The following RASGRP3 variants were observed in gnomAD, a reference collection of about 807,000 sequenced individuals.
The protein encoded by RASGRP3 is RAS guanyl releasing protein 3.
In RASGRP3, 54 loss-of-function variants were observed where a neutral mutation model predicts 82.7. The ratio of observed to expected loss-of-function variants is 0.65; its 90% CI spans 0.52 to 0.82. The LOEUF is 0.82. Among genes scored for constraint, RASGRP3 ranks in the 40% least tolerant of loss-of-function variants. The pLI is 0.00. For missense variants in RASGRP3, 861 were observed against 828.9 expected (o/e 1.04, Z -0.48); for synonymous variants, 309 against 300.5 (o/e 1.03, Z -0.29).
In RASGRP3 at chr2:33,523,975, G is replaced by C; in HGVS notation, c.613G>C (p.Val205Leu). 3 of 1,613,878 alleles carry C rather than the reference G, an allele frequency of 1.9e-6. No individual in the cohort carries two copies. The highest frequency in any genetic ancestry group is 2.5e-6 in the Non-Finnish European group (3 of 1,179,842). Residue 205 changes from valine to leucine, a missense_variant, in exon 8 of 18, where the codon GTC becomes CTC. Physicochemically the swap from Val to Leu is conservative, Grantham distance 32 (BLOSUM62 1). Transcript: ENST00000403687. ...TTTATTTAATGGAATCTCTAAGTGGGTCCAGTTGATGGTTCTTAGCAAACC... is the reference window on the plus strand; with the variant it reads ...TTTATTTAATGGAATCTCTAAGTGGCTCCAGTTGATGGTTCTTAGCAAACC... Reference protein sequence around the residue: ...IALFNGISKWVQLMVLSKPTP... With the variant: ...IALFNGISKWLQLMVLSKPTP...
At chr2:33,443,099 T>G (rs544051426) in intron 1 of RASGRP3, among the ~76,000 whole-genome samples, 1 of 152,338 alleles carries the variant, frequency 6.6e-6, no homozygotes, top group African/African-American at 2.4e-5. Flanking sequence ...TTCTTGCCTC[T>G]GAATAACTCC....
intron 2 of RASGRP3, among the ~76,000 whole-genome samples, chr2:33,448,426 C>T (rs1665613807): frequency 6.6e-6 from 1 of 151,834 alleles, no homozygotes; most frequent in Admixed American, 6.6e-5. Flanking sequence ...TGTCTATCAA[C>T]AGATGAAGAG....
chr2:33,439,155 A>G (rs1665085924), intron 1 of RASGRP3, among the ~76,000 whole-genome samples: 1 of 152,228 alleles, frequency 6.6e-6, no homozygotes. Context: ...GCACCACACC[A>G]TGAACACCTA....
intron 1 of RASGRP3, among the ~76,000 whole-genome samples, chr2:33,503,372 A>C (rs999355903): frequency 2.0e-5 from 3 of 152,160 alleles, no homozygotes; most frequent in Admixed American, 2.0e-4. Context: ...CTGTGATTTC[A>C]TTTCAGGAGT....
intron 10 of RASGRP3, chr2:33,531,917 G>T (rs1011831519): frequency 1.3e-5 from 2 of 152,212 alleles, no homozygotes; most frequent in African/African-American, 4.8e-5. Context: ...GAGTCAGGAG[G>T]AAGGGAACAT....
At chr2:33,472,329 C>A (rs1667105467), upstream of RASGRP3, among the ~76,000 whole-genome samples, 1 of 152,144 alleles carries the variant, frequency 6.6e-6, no homozygotes, top group African/African-American at 2.4e-5. Flanking sequence ...CAGCAGGCAG[C>A]TAGAGTGGGA....
At chr2:33,459,514 A>G (rs1282977188) in intron 2 of RASGRP3, among the ~76,000 whole-genome samples, 1 of 152,172 alleles carries the variant, frequency 6.6e-6, no homozygotes, top group Non-Finnish European at 1.5e-5. Context: ...CATTAAAGGT[A>G]AACAAAGCCA....
intron 10 of RASGRP3, among the ~76,000 whole-genome samples, chr2:33,529,487 C>CTAAAAAAAAAAAAAAAA (rs1672897473): frequency 1.8e-5 from 1 of 57,028 alleles, no homozygotes; most frequent in African/African-American, 9.3e-5. Context: ...GACTCCATCT[C>CTAAAAAAAAAAAAAAAA]AAAAAAAAAA....
chr2:33,517,192 C>G (rs528185082), intron 4 of RASGRP3, among the ~76,000 whole-genome samples: 1 of 152,312 alleles, frequency 6.6e-6, no homozygotes, highest in South Asian at 2.1e-4. Context: ...ACAAAAAAAT[C>G]CCACATGGTT....
At chr2:33,496,761 A>G (rs1225629197) in intron 1 of RASGRP3, among the ~76,000 whole-genome samples, 2 of 152,156 alleles carry the variant, frequency 1.3e-5, no homozygotes, top group Admixed American at 6.5e-5. Flanking sequence ...GAAGGCTGAG[A>G]TGGGAGAATC....
chr2:33,437,657 G>A (rs1005616114), intron 1 of RASGRP3, among the ~76,000 whole-genome samples: 8 of 152,330 alleles, frequency 5.3e-5, no homozygotes, highest in African/African-American at 1.9e-4. Flanking sequence ...CGGCACAGGA[G>A]GCCAGGACTC....
At chr2:33,467,498 A>C (rs1254630646) in intron 2 of RASGRP3, among the ~76,000 whole-genome samples, 1 of 152,236 alleles carries the variant, frequency 6.6e-6, no homozygotes, top group African/African-American at 2.4e-5. Context: ...GTGTCTGAAA[A>C]AGAGATTGCA....
In RASGRP3 at chr2:33,520,624, G is replaced by A. The variant is rs184551261; in HGVS notation, c.308G>A (p.Arg103Gln). The A allele has an allele frequency of 1.5e-4, 246 of 1,613,932 alleles. 2 individuals are homozygous for A. The South Asian group carries it at 1.7e-3, about 11-fold the overall frequency. ...TTGATTCGTATGACTGAGGAATTTC[G>A]GGAAGTAGCTAGTCAACTAGGATAT... is the stretch of plus-strand genomic sequence containing the variant. The part of the protein sequence containing the change: ...LGLIRMTEEF[R>Q]EVASQLGYEK... Residue 103 changes from arginine to glutamine, a missense_variant, in exon 6 of 18, where the codon CGG (arginine) becomes CAG (glutamine). Transcript: ENST00000403687.
At chr2:33,560,219 GCAGT>G in intron 17 of RASGRP3, among the ~76,000 whole-genome samples, 1 of 152,160 alleles carries the variant, frequency 6.6e-6, no homozygotes, top group Middle Eastern at 3.4e-3. Flanking sequence ...ACACCCACGA[GCAGT>G]CATTCTCCCC....
rs1414169186 is a variant in RASGRP3 at position 33,563,890 on chromosome 2, T to C, written c.*1153T>C. The C allele has an allele frequency of 2.0e-5, 3 of 152,060 alleles. No individual in the cohort carries two copies. The highest frequency in any genetic ancestry group is 4.8e-5 in the African/African-American group (2 of 41,420). 9.4% of individuals were successfully genotyped at this position (152,060 alleles called of 1,614,324 possible). A position where few individuals can be genotyped will look rare whatever the true frequency, so the allele number is the denominator to read the frequency against. ...ACTAGTTATGGGTCTATTTCTTCCA[T>C]GATTAGAGGAGAGAGAACTTGATTC... On this transcript the variant is annotated 3_prime_UTR_variant, in exon 18 of 18. Coordinates refer to ENST00000403687, the MANE Select transcript of RASGRP3 (RefSeq NM_001139488.2).
chr2:33,453,513 A>C (rs1665900551), intron 2 of RASGRP3, among the ~76,000 whole-genome samples: 1 of 152,120 alleles, frequency 6.6e-6, no homozygotes, highest in South Asian at 2.1e-4. Context: ...TTCTTCGTGG[A>C]CTTCTCCATG....
Position 33,543,550 on chromosome 2 carries a change from C to T in RASGRP3, c.1317C>T (p.Tyr439=). 1 of 1,610,986 alleles carries T rather than the reference C, an allele frequency of 6.2e-7. No individual in the cohort carries two copies. The highest frequency in any genetic ancestry group is 8.5e-7 in the Non-Finnish European group (1 of 1,177,524). ...ACTATGATCACGACCATGATGGGTACATTTCCCAAGAGGACTTTGAAAGTA... is the reference window on the plus strand; with the variant it reads ...ACTATGATCACGACCATGATGGGTATATTTCCCAAGAGGACTTTGAAAGTA... ...FRNYDHDHDG[Y]ISQEDFESIA... The change falls in exon 13 of 18, where the codon TAC becomes TAT. Residue 439 remains tyrosine (Y), a synonymous_variant. Transcript: ENST00000403687.
At chr2:33,557,598 T>C (rs1676136722) in intron 15 of RASGRP3, among the ~76,000 whole-genome samples, 1 of 151,766 alleles carries the variant, frequency 6.6e-6, no homozygotes, top group Non-Finnish European at 1.5e-5. Flanking sequence ...TAGTCCCAGC[T>C]ACTCGGGAGG....
At chr2:33,550,299 A>T (rs1480596912) in intron 14 of RASGRP3, among the ~76,000 whole-genome samples, 1 of 152,222 alleles carries the variant, frequency 6.6e-6, no homozygotes, top group Admixed American at 6.5e-5. Flanking sequence ...AAGCCCTTGA[A>T]GTGGGTATTT....
Sources: gnomAD v4.1 joint callset for allele counts (sites outside exome capture counted in the v4.1 genomes callset) on GRCh38, gnomAD v4.1.1 for gene constraint, MANE v1.5 for transcripts, NCBI Gene and HGNC (gene_info 2026-07-23, HGNC 2026-07-21) for gene names.